The following TRPS1 variants were observed in gnomAD, a reference collection of about 807,000 sequenced individuals.
The protein encoded by TRPS1 is transcriptional repressor GATA binding 1, also known as zinc finger transcription factor Trps1.
A neutral mutation model predicts 101.2 loss-of-function variants in TRPS1; 6 were observed. The observed-to-expected ratio is 0.06, with a 90% CI of 0.03 to 0.12. The LOEUF (loss-of-function observed/expected upper bound fraction) is 0.12, where lower values mean the gene tolerates loss of function less well. TRPS1 is among the 10% of genes least tolerant of loss of function. TRPS1 has a pLI of 1.00. For missense variants in TRPS1, 1,363 were observed against 1,567.0 expected (o/e 0.87, Z 2.20); for synonymous variants, 578 against 589.8 (o/e 0.98, Z 0.29).
intron 4 of TRPS1, among the ~76,000 whole-genome samples, chr8:115,593,615 A>G (rs1415216454): frequency 3.9e-5 from 6 of 152,190 alleles, no homozygotes; most frequent in Non-Finnish European, 8.8e-5. Context: ...AAACCCCAGT[A>G]AAAGAAAACT....
intron 1 of TRPS1, among the ~76,000 whole-genome samples, chr8:115,636,060 T>C (rs1039045749): frequency 3.3e-5 from 5 of 149,800 alleles, no homozygotes; most frequent in African/African-American, 7.5e-5. Context: ...TTGATGCATT[T>C]TTTCATTTTC....
chr8:115,495,173 G>A (rs1314351773), intron 5 of TRPS1, among the ~76,000 whole-genome samples: 3 of 152,134 alleles, frequency 2.0e-5, no homozygotes, highest in Non-Finnish European at 4.4e-5. Context: ...AAAATAAACA[G>A]AAGTAGCGGT....
chr8:115,644,362 G>A (rs1341149345), intron 1 of TRPS1, among the ~76,000 whole-genome samples: 1 of 152,148 alleles, frequency 6.6e-6, no homozygotes, highest in Non-Finnish European at 1.5e-5. Context: ...GTACTTTTAT[G>A]TTATGGATGT....
intron 1 of TRPS1, among the ~76,000 whole-genome samples, chr8:115,650,810 ATCC>A (rs1811541738): frequency 6.6e-6 from 1 of 152,210 alleles, no homozygotes; most frequent in African/African-American, 2.4e-5. Context: ...GGAATCCAAT[ATCC>A]TCTTGCTGCC....
chr8:115,521,682 A>T (rs976987278), intron 5 of TRPS1, among the ~76,000 whole-genome samples: 16 of 151,962 alleles, frequency 1.1e-4, no homozygotes, highest in African/African-American at 3.9e-4. Flanking sequence ...AAACACCTGT[A>T]TTTAAAAAAT....
At chr8:115,563,456 A>T (rs1816995540) in intron 5 of TRPS1, among the ~76,000 whole-genome samples, 1 of 152,118 alleles carries the variant, frequency 6.6e-6, no homozygotes, top group Admixed American at 6.6e-5. Flanking sequence ...CAAACCTAAT[A>T]TAAAAGTCTC....
At chr8:115,533,790 G>A (rs1816210468) in intron 5 of TRPS1, among the ~76,000 whole-genome samples, 1 of 151,886 alleles carries the variant, frequency 6.6e-6, no homozygotes, top group Admixed American at 6.6e-5. Flanking sequence ...TTCTAGTGAG[G>A]GCTTTCTTCC....
At chr8:115,564,613 C>CA (rs1320489070) in intron 5 of TRPS1, among the ~76,000 whole-genome samples, 1 of 152,056 alleles carries the variant, frequency 6.6e-6, no homozygotes, top group East Asian at 1.9e-4. Context: ...TTAAACAGCT[C>CA]ATAGTGCCCA....
chr8:115,479,674 A>C (rs1814702733), intron 5 of TRPS1, among the ~76,000 whole-genome samples: 1 of 152,198 alleles, frequency 6.6e-6, no homozygotes, highest in South Asian at 2.1e-4. Flanking sequence ...ATAACATAAC[A>C]GTCTATATTT....
chr8:115,420,755 A>G (rs771540399), intron 5 of TRPS1, among the ~76,000 whole-genome samples: 2 of 152,238 alleles, frequency 1.3e-5, no homozygotes, highest in Non-Finnish European at 2.9e-5. Context: ...TTAGACTCCA[A>G]TATAGTTTGC....
intron 5 of TRPS1, among the ~76,000 whole-genome samples, chr8:115,464,804 G>C (rs1461700562): frequency 6.6e-6 from 1 of 151,968 alleles, no homozygotes; most frequent in Non-Finnish European, 1.5e-5. Flanking sequence ...TTTTCTTACT[G>C]TCAGGAACAC....
intron 5 of TRPS1, among the ~76,000 whole-genome samples, chr8:115,537,873 A>G (rs1816359916): frequency 6.6e-6 from 1 of 152,218 alleles, no homozygotes; most frequent in South Asian, 2.1e-4. Flanking sequence ...CACATTGTAC[A>G]GAGCTAACAC....
chr8:115,527,440 T>A (rs1044590207), intron 5 of TRPS1, among the ~76,000 whole-genome samples: 3 of 152,036 alleles, frequency 2.0e-5, no homozygotes, highest in African/African-American at 7.2e-5. Context: ...ATCATACTAT[T>A]CCTGACAACT....
chr8:115,425,398 C>T (rs1018166197), intron 5 of TRPS1, among the ~76,000 whole-genome samples: 6 of 152,176 alleles, frequency 3.9e-5, no homozygotes, highest in African/African-American at 1.4e-4. Flanking sequence ...TTCACTTCCT[C>T]AACACATCAG....
intron 5 of TRPS1, among the ~76,000 whole-genome samples, chr8:115,473,454 T>A (rs1478475678): frequency 6.6e-6 from 1 of 152,188 alleles, no homozygotes; most frequent in Non-Finnish European, 1.5e-5. Context: ...TTGGGGATTA[T>A]GGGAACTGCA....
chr8:115,580,829 A>G (rs1386749573), intron 5 of TRPS1, among the ~76,000 whole-genome samples: 1 of 152,046 alleles, frequency 6.6e-6, no homozygotes, highest in Non-Finnish European at 1.5e-5. Context: ...ACTATGGAGA[A>G]CAGTATGGAG....
intron 5 of TRPS1, among the ~76,000 whole-genome samples, chr8:115,519,040 A>T (rs1470043512): frequency 6.6e-6 from 1 of 151,820 alleles, no homozygotes; most frequent in African/African-American, 2.4e-5. Flanking sequence ...AGCAACATGA[A>T]GTGATGAAAA....
At chr8:115,543,359 T>C (rs1816498147) in intron 5 of TRPS1, among the ~76,000 whole-genome samples, 1 of 152,222 alleles carries the variant, frequency 6.6e-6, no homozygotes, top group Non-Finnish European at 1.5e-5. Flanking sequence ...TATGGAGTTT[T>C]ATCTATTGTC....
At chr8:115,532,147 A>T (rs545735611) in intron 5 of TRPS1, among the ~76,000 whole-genome samples, 1 of 150,882 alleles carries the variant, frequency 6.6e-6, no homozygotes, top group African/African-American at 2.4e-5. Context: ...TGGAAAATAC[A>T]TATTTGCACC....
Sources: gnomAD v4.1 joint callset for allele counts (sites outside exome capture counted in the v4.1 genomes callset) on GRCh38, gnomAD v4.1.1 for gene constraint, MANE v1.5 for transcripts, NCBI Gene and HGNC (gene_info 2026-07-23, HGNC 2026-07-21) for gene names.